Variants in THSD7A observed in about 807,000 individuals in gnomAD.
The protein encoded by THSD7A is thrombospondin type-1 domain-containing protein 7A.
THSD7A carries 96 observed loss-of-function variants against 231.3 expected under a neutral mutation model. The ratio of observed to expected loss-of-function variants is 0.41; its 90% CI spans 0.35 to 0.49. THSD7A has a LOEUF of 0.49. Among genes scored for constraint, THSD7A ranks in the 20% least tolerant of loss-of-function variants. The pLI is 0.05. For missense variants in THSD7A, 2,290 were observed against 2,070.2 expected (o/e 1.11, Z -2.06); for synonymous variants, 940 against 743.3 (o/e 1.26, Z -4.30).
chr7:11,799,704 A>G (rs1336600843), intron 1 of THSD7A, among the ~76,000 whole-genome samples: 1 of 152,176 alleles, frequency 6.6e-6, no homozygotes, highest in African/African-American at 2.4e-5. Context: ...CTCTCATACT[A>G]ATAGTTCCTA....
intron 1 of THSD7A, among the ~76,000 whole-genome samples, chr7:11,673,684 G>T (rs1783508518): frequency 6.6e-6 from 1 of 152,134 alleles, no homozygotes; most frequent in African/African-American, 2.4e-5. Context: ...ACGCTGGCAT[G>T]GGAGCAGGAT....
intron 1 of THSD7A, among the ~76,000 whole-genome samples, chr7:11,741,151 A>G (rs1238173085): frequency 6.6e-6 from 1 of 151,916 alleles, no homozygotes; most frequent in Non-Finnish European, 1.5e-5. Context: ...ATAATTACAC[A>G]TTGTATCCTA....
chr7:11,622,798 T>C (rs1781358899), intron 2 of THSD7A, among the ~76,000 whole-genome samples: 1 of 152,190 alleles, frequency 6.6e-6, no homozygotes, highest in African/African-American at 2.4e-5. Context: ...ATGAATAGAT[T>C]ATATGAATTA....
intron 4 of THSD7A, among the ~76,000 whole-genome samples, chr7:11,568,654 ACC>A (rs148424900): frequency 0.032 from 3,417 of 106,996 alleles, 270 homozygotes; most frequent in Admixed American, 0.053. Flanking sequence ...AAAAAAAAAA[ACC>A]AAAATCTGGA....
intron 1 of THSD7A, among the ~76,000 whole-genome samples, chr7:11,815,965 C>T (rs1354293766): frequency 2.0e-5 from 3 of 152,112 alleles, no homozygotes; most frequent in Non-Finnish European, 4.4e-5. Flanking sequence ...TCCTTCTCTG[C>T]CTGGAATTCT....
chr7:11,389,945 C>G (rs977587451), intron 23 of THSD7A, among the ~76,000 whole-genome samples: 2 of 152,148 alleles, frequency 1.3e-5, no homozygotes, highest in Non-Finnish European at 2.9e-5. Flanking sequence ...TGGGCCCCCA[C>G]TCTCTTCTGG....
chr7:11,432,454 C>T (rs1228926863), intron 13 of THSD7A, among the ~76,000 whole-genome samples: 1 of 152,096 alleles, frequency 6.6e-6, no homozygotes, highest in Non-Finnish European at 1.5e-5. Context: ...GAACTCTCCT[C>T]CGTATTCCCT....
chr7:11,649,619 A>G (rs973624373), intron 1 of THSD7A, among the ~76,000 whole-genome samples: 3 of 152,028 alleles, frequency 2.0e-5, no homozygotes, highest in African/African-American at 7.2e-5. Flanking sequence ...AAGCAGACTG[A>G]AGGCCCTAAA....
intron 1 of THSD7A, among the ~76,000 whole-genome samples, chr7:11,716,211 C>T (rs1478953967): frequency 1.3e-5 from 2 of 151,514 alleles, no homozygotes; most frequent in Non-Finnish European, 3.0e-5. Context: ...AGGATTTGCA[C>T]ATGGCATTCC....
chr7:11,408,339 A>T (rs1260909151), intron 19 of THSD7A, among the ~76,000 whole-genome samples: 1 of 152,062 alleles, frequency 6.6e-6, no homozygotes, highest in Non-Finnish European at 1.5e-5. Context: ...TACTAAAAAA[A>T]ATATAAAAAT....
chr7:11,821,211 G>T (rs879140786), intron 1 of THSD7A: 8 of 1,181,364 alleles, frequency 6.8e-6, no homozygotes, highest in South Asian at 6.1e-5. Context: ...GGTGAACAAT[G>T]GTCACTATAT....
chr7:11,602,291 T>C (rs905813491), intron 2 of THSD7A, among the ~76,000 whole-genome samples: 4 of 152,154 alleles, frequency 2.6e-5, no homozygotes, highest in Non-Finnish European at 4.4e-5. Flanking sequence ...TGTATGTGTG[T>C]GCATATATGT....
chr7:11,622,422 C>T (rs890084605), intron 2 of THSD7A, among the ~76,000 whole-genome samples: 1 of 152,024 alleles, frequency 6.6e-6, no homozygotes, highest in Non-Finnish European at 1.5e-5. Context: ...ATTTTACATT[C>T]ATGATTTTTT....
intron 17 of THSD7A, among the ~76,000 whole-genome samples, chr7:11,416,702 G>A (rs1436170219): frequency 6.6e-6 from 1 of 152,128 alleles, no homozygotes; most frequent in East Asian, 1.9e-4. Context: ...TTTTTCTCAT[G>A]CTTTTGATGC....
At chr7:11,820,924 G>A in intron 1 of THSD7A, 1 of 943,672 alleles carries the variant, frequency 1.1e-6, no homozygotes, top group East Asian at 2.4e-5. Flanking sequence ...GATTTACCTC[G>A]CTGAAGATCT....
chr7:11,541,291 A>C, intron 6 of THSD7A, 128 bp downstream of exon 6: 2 of 869,304 alleles, frequency 2.3e-6, no homozygotes, highest in Non-Finnish European at 3.7e-6. Flanking sequence ...GGGAGAGAGA[A>C]GCAGCTATTT....
chr7:11,527,670 A>C (rs1325893844), intron 6 of THSD7A, among the ~76,000 whole-genome samples: 4 of 152,182 alleles, frequency 2.6e-5, no homozygotes, highest in African/African-American at 9.6e-5. Context: ...GACATATTCT[A>C]AAGAAAAATG....
At chr7:11,544,892 G>T (rs28478051) in intron 4 of THSD7A, among the ~76,000 whole-genome samples, 42,411 of 149,310 alleles carry the variant, frequency 0.28, 6,363 homozygotes, top group Admixed American at 0.44. Flanking sequence ...AGCACAGTGA[G>T]CATTCTCACT....
intron 22 of THSD7A, among the ~76,000 whole-genome samples, chr7:11,403,236 A>T (rs370950994): frequency 2.6e-5 from 4 of 152,186 alleles, no homozygotes; most frequent in Admixed American, 2.6e-4. Flanking sequence ...TATTAGCAGA[A>T]AGTTGCCTGG....
Sources: gnomAD v4.1 joint callset for allele counts (sites outside exome capture counted in the v4.1 genomes callset) on GRCh38, gnomAD v4.1.1 for gene constraint, MANE v1.5 for transcripts, NCBI Gene and HGNC (gene_info 2026-07-23, HGNC 2026-07-21) for gene names.